Variants in MITF observed in about 807,000 individuals in gnomAD.
MITF encodes melanocyte inducing transcription factor.
A neutral mutation model predicts 60.5 loss-of-function variants in MITF; 17 were observed. The ratio of observed to expected loss-of-function variants is 0.28; its 90% confidence interval spans 0.19 to 0.42. The LOEUF (loss-of-function observed/expected upper bound fraction) is 0.42. Among genes scored for constraint, MITF ranks in the 10% least tolerant of loss-of-function variants. MITF has a pLI of 1.00. For synonymous variants in MITF, 260 were observed against 248.5 expected, an observed-to-expected ratio of 1.05 and a Z score of -0.43; for missense variants, 622 against 683.5, an observed-to-expected ratio of 0.91 and a Z score of 1.00.
chr3:69,890,166 C>T (rs796713383), intron 2 of MITF, among the ~76,000 whole-genome samples: 5 of 152,208 alleles, frequency 3.3e-5, no homozygotes, highest in African/African-American at 9.6e-5. Context: ...ATTTGGAGCC[C>T]ATGTTAGCTG....
chr3:69,770,271 T>C (rs1056685456), intron 1 of MITF, among the ~76,000 whole-genome samples: 3 of 152,200 alleles, frequency 2.0e-5, no homozygotes, highest in Admixed American at 2.0e-4. Flanking sequence ...TGAAATGTTC[T>C]AGTGTTGCTT....
intron 1 of MITF, among the ~76,000 whole-genome samples, chr3:69,846,191 A>T (rs62252241): frequency 2.4e-5 from 1 of 41,764 alleles, no homozygotes; most frequent in Non-Finnish European, 1.1e-4. Flanking sequence ...ATTAAATGAG[A>T]TCTAAATTAA....
At chr3:69,911,869 A>T (rs1242304829) in intron 2 of MITF, among the ~76,000 whole-genome samples, 1 of 152,234 alleles carries the variant, frequency 6.6e-6, no homozygotes, top group East Asian at 1.9e-4. Flanking sequence ...GCAATATTTA[A>T]TAAAGTTTCC....
At chr3:69,759,513 C>A (rs1444611911) in intron 1 of MITF, among the ~76,000 whole-genome samples, 6 of 152,122 alleles carry the variant, frequency 3.9e-5, no homozygotes, top group African/African-American at 1.4e-4. Flanking sequence ...GTTCTGTGCA[C>A]GTGATTGACT....
At chr3:69,782,923 C>G (rs951646004) in intron 1 of MITF, among the ~76,000 whole-genome samples, 4 of 152,138 alleles carry the variant, frequency 2.6e-5, no homozygotes, top group African/African-American at 9.7e-5. Flanking sequence ...AAAATTAACA[C>G]ATTTCCTTAA....
At chr3:69,813,112 A>T (rs1425011709) in intron 1 of MITF, among the ~76,000 whole-genome samples, 1 of 152,180 alleles carries the variant, frequency 6.6e-6, no homozygotes, top group Non-Finnish European at 1.5e-5. Flanking sequence ...GGACTGAGGA[A>T]AATTGGCCTG....
At chr3:69,750,363 G>A (rs938808544) in intron 1 of MITF, among the ~76,000 whole-genome samples, 4 of 145,700 alleles carry the variant, frequency 2.7e-5, no homozygotes, top group African/African-American at 1.0e-4. Flanking sequence ...AAACTTTCTA[G>A]AGGAAACTAT....
At chr3:69,936,835 T>G (rs985509443) in intron 2 of MITF, 3 of 1,307,026 alleles carry the variant, frequency 2.3e-6, no homozygotes, top group Non-Finnish European at 3.3e-6. Context: ...GTTATTGTAA[T>G]AGACATACTG....
At chr3:69,840,465 G>A (rs2063615604) in intron 1 of MITF, among the ~76,000 whole-genome samples, 2 of 151,716 alleles carry the variant, frequency 1.3e-5, no homozygotes. Context: ...ATGAGAGAAA[G>A]GGAAGAATAA....
intron 1 of MITF, among the ~76,000 whole-genome samples, chr3:69,754,836 C>G (rs1449027408): frequency 1.3e-5 from 2 of 151,748 alleles, no homozygotes; most frequent in Non-Finnish European, 2.9e-5. Context: ...CCTCTGTATT[C>G]ACAGCATCAA....
At chr3:69,867,041 GT>G (rs1263162601) in intron 1 of MITF, among the ~76,000 whole-genome samples, 2 of 152,106 alleles carry the variant, frequency 1.3e-5, no homozygotes, top group Non-Finnish European at 2.9e-5. Context: ...ACAGAGTATA[GT>G]TCCCCCCACA....
chr3:69,761,022 A>G (rs2062203746), intron 1 of MITF, among the ~76,000 whole-genome samples: 1 of 152,250 alleles, frequency 6.6e-6, no homozygotes, highest in African/African-American at 2.4e-5. Context: ...TTTAGTGACA[A>G]CAGAGCACAA....
At chr3:69,790,312 G>A (rs921283027) in intron 1 of MITF, among the ~76,000 whole-genome samples, 2 of 152,146 alleles carry the variant, frequency 1.3e-5, no homozygotes, top group African/African-American at 2.4e-5. Flanking sequence ...TACAATGGTG[G>A]TTGCTAGGGG....
At chr3:69,763,277 T>G (rs2062237469) in intron 1 of MITF, among the ~76,000 whole-genome samples, 1 of 152,230 alleles carries the variant, frequency 6.6e-6, no homozygotes, top group South Asian at 2.1e-4. Flanking sequence ...TCATCAGATG[T>G]CCTTGCGTCC....
At position 69,739,612 on chromosome 3, in the gene MITF, G is replaced by C. The variant is rs1463295899; in HGVS notation, c.15G>C (p.Ser5=). ...AAGCGGGAGCCATGCAGTCCGAATCGGGGATCGTGCCGGATTTCGAAGTCG... is the reference window on the plus strand; with the variant it reads ...AAGCGGGAGCCATGCAGTCCGAATCCGGGATCGTGCCGGATTTCGAAGTCG... MQSE[S]GIVPDFEVGE... The change falls in exon 1 of 10, where the codon TCG becomes TCC. Residue 5 remains serine (S), a synonymous_variant. Coordinates refer to ENST00000352241, the MANE Select transcript of MITF (RefSeq NM_001354604.2). 5.1e-6 allele frequency: 8 copies of C among 1,577,644 alleles called. No individual in the cohort carries two copies. The highest frequency in any genetic ancestry group is 3.6e-5 in the Admixed American group (2 of 54,808).
chr3:69,878,174 A>C (rs557041871), intron 1 of MITF, among the ~76,000 whole-genome samples: 2 of 152,292 alleles, frequency 1.3e-5, no homozygotes, highest in South Asian at 4.1e-4. Flanking sequence ...TTAAAAGAAC[A>C]GCTCCCACCT....
chr3:69,853,283 G>T (rs932698344), intron 1 of MITF, among the ~76,000 whole-genome samples: 1 of 152,114 alleles, frequency 6.6e-6, no homozygotes, highest in Non-Finnish European at 1.5e-5. Flanking sequence ...GGGTTAAGGG[G>T]AAGGAAGAGT....
intron 1 of MITF, among the ~76,000 whole-genome samples, chr3:69,862,377 A>G (rs947349383): frequency 1.3e-5 from 2 of 152,184 alleles, no homozygotes; most frequent in Admixed American, 6.5e-5. Context: ...TCATGGGCCA[A>G]CATAGGACCC....
intron 1 of MITF, among the ~76,000 whole-genome samples, chr3:69,860,879 A>T (rs968564823): frequency 1.3e-5 from 2 of 152,158 alleles, no homozygotes; most frequent in South Asian, 4.1e-4. Flanking sequence ...CTTTGAGAGG[A>T]TGCTGTAATA....
Sources: allele counts gnomAD v4.1 joint callset (sites outside exome capture counted in the v4.1 genomes callset), GRCh38; gene constraint gnomAD v4.1.1; transcripts MANE v1.5; gene names NCBI Gene and HGNC (gene_info 2026-07-23, HGNC 2026-07-21).